FLVCR2: variants seen among roughly 807,000 people sequenced by gnomAD.
FLVCR2 encodes choline/ethanolamine transporter FLVCR2.
FLVCR2 carries 38 observed loss-of-function variants against 48.9 expected under a neutral mutation model. The ratio of observed to expected loss-of-function variants is 0.78; its 90% CI spans 0.60 to 1.02. The LOEUF is 1.02. FLVCR2 is among the 50% of genes least tolerant of loss of function. The pLI is 0.00. For synonymous variants in FLVCR2, 255 were observed against 257.0 expected (o/e 0.99, Z 0.07); for missense variants, 664 against 663.3 (o/e 1.00, Z -0.01).
At chr14:75,643,543 T>A (rs537049084) in intron 9 of FLVCR2, among the ~76,000 whole-genome samples, 1 of 152,352 alleles carries the variant, frequency 6.6e-6, no homozygotes, top group African/African-American at 2.4e-5. Context: ...GTTTGAAGGA[T>A]CTGTGTTGGC....
intron 4 of FLVCR2, among the ~76,000 whole-genome samples, chr14:75,634,173 C>T (rs1051455000): frequency 5.9e-5 from 9 of 152,084 alleles, no homozygotes; most frequent in Non-Finnish European, 1.2e-4. Context: ...TACTGAGTGG[C>T]CTGGAGTCAG....
intron 1 of FLVCR2, among the ~76,000 whole-genome samples, chr14:75,600,992 T>G (rs1473442393): frequency 6.6e-6 from 1 of 152,062 alleles, no homozygotes; most frequent in African/African-American, 2.4e-5. Flanking sequence ...CTAGAGGAAT[T>G]AAAGACACAC....
intron 1 of FLVCR2, among the ~76,000 whole-genome samples, chr14:75,605,248 C>G (rs976706993): frequency 1.3e-5 from 2 of 152,194 alleles, no homozygotes; most frequent in African/African-American, 4.8e-5. Context: ...ACAACCACCA[C>G]CACCATCACC....
intron 1 of FLVCR2, among the ~76,000 whole-genome samples, chr14:75,600,625 C>G (rs1889141391): frequency 6.6e-6 from 1 of 152,026 alleles, no homozygotes. Context: ...CCATAAGACT[C>G]TTAGAAGGAA....
intron 2 of FLVCR2, among the ~76,000 whole-genome samples, chr14:75,624,057 A>G (rs1208436223): frequency 6.6e-6 from 1 of 151,794 alleles, no homozygotes; most frequent in South Asian, 2.1e-4. Context: ...GTCTCAAAAA[A>G]AAAAGAAAAG....
intron 1 of FLVCR2, among the ~76,000 whole-genome samples, chr14:75,585,906 AAG>A (rs1888735363): frequency 6.6e-6 from 1 of 152,148 alleles, no homozygotes; most frequent in African/African-American, 2.4e-5. Context: ...GAGGCTGGAG[AAG>A]AGAGTGAAAA....
intron 5 of FLVCR2, 121 bp downstream of exon 5, chr14:75,635,134 G>A: frequency 1.4e-6 from 1 of 729,286 alleles, no homozygotes; most frequent in Admixed American, 2.0e-5. Context: ...GGTCATTCAA[G>A]TTTGACTTCT....
chr14:75,585,520 A>G (rs1175259974), intron 1 of FLVCR2, among the ~76,000 whole-genome samples: 1 of 152,122 alleles, frequency 6.6e-6, no homozygotes, highest in Non-Finnish European at 1.5e-5. Context: ...ATAGTGAAGG[A>G]GGCAAGTTTA....
chr14:75,634,601 T>C (rs1407451367), intron 4 of FLVCR2, among the ~76,000 whole-genome samples: 1 of 152,208 alleles, frequency 6.6e-6, no homozygotes, highest in Admixed American at 6.5e-5. Flanking sequence ...TAATGACAGA[T>C]AAGATAGAAG....
intron 1 of FLVCR2, among the ~76,000 whole-genome samples, chr14:75,583,480 C>G (rs909824064): frequency 6.6e-6 from 1 of 151,952 alleles, no homozygotes; most frequent in Admixed American, 6.6e-5. Flanking sequence ...GGCTCGTGAT[C>G]GGTTGCCAGG....
At chr14:75,601,561 G>A (rs1402401575) in intron 1 of FLVCR2, among the ~76,000 whole-genome samples, 2 of 152,112 alleles carry the variant, frequency 1.3e-5, no homozygotes, top group African/African-American at 4.8e-5. Flanking sequence ...TGAAGACATT[G>A]GAACTCTTTT....
intron 1 of FLVCR2, among the ~76,000 whole-genome samples, chr14:75,620,663 G>A (rs767072592): frequency 3.3e-5 from 5 of 152,178 alleles, no homozygotes; most frequent in Non-Finnish European, 5.9e-5. Flanking sequence ...AAAATATCTA[G>A]CAGAGTACGT....
chr14:75,639,879 A>G (rs1238663393), intron 6 of FLVCR2, among the ~76,000 whole-genome samples: 3 of 152,218 alleles, frequency 2.0e-5, no homozygotes, highest in Non-Finnish European at 4.4e-5. Context: ...GTAAAGAAAG[A>G]TAATAGTGGC....
chr14:75,640,053 T>A (rs2140053571), intron 6 of FLVCR2, among the ~76,000 whole-genome samples: 1 of 151,446 alleles, frequency 6.6e-6, no homozygotes, highest in African/African-American at 2.4e-5. Context: ...AGGTCAGGAG[T>A]TCAAGACCAG....
intron 1 of FLVCR2, among the ~76,000 whole-genome samples, chr14:75,584,030 G>T (rs1357137911): frequency 1.3e-5 from 2 of 152,192 alleles, no homozygotes; most frequent in East Asian, 3.9e-4. Flanking sequence ...GCCGCGATGT[G>T]AGTCGGACAG....
chr14:75,593,016 T>C (rs1306250391), intron 1 of FLVCR2, among the ~76,000 whole-genome samples: 1 of 152,258 alleles, frequency 6.6e-6, no homozygotes, highest in Non-Finnish European at 1.5e-5. Context: ...TTACTGTCCA[T>C]ATTTCTATCA....
intron 1 of FLVCR2, among the ~76,000 whole-genome samples, chr14:75,585,475 GAGA>G (rs1373373787): frequency 6.6e-5 from 10 of 152,156 alleles, no homozygotes; most frequent in Admixed American, 5.9e-4. Context: ...CAGGCTAAGG[GAGA>G]AGAAGGAGGA....
At chr14:75,598,074 G>A (rs1889070154) in intron 1 of FLVCR2, among the ~76,000 whole-genome samples, 1 of 151,396 alleles carries the variant, frequency 6.6e-6, no homozygotes, top group African/African-American at 2.4e-5. Flanking sequence ...TGAACTCCTG[G>A]CCTCAAGTTA....
chr14:75,606,541 T>C lies in FLVCR2; in HGVS notation c.670-15538T>C, dbSNP rs114898193. ...ACACCTCTCTCCCACCATTCCTGCC[T>C]AGGGTACATAGGGGAAGCCAGCAGC... On this transcript the variant is annotated intron_variant, in intron 1 of 9. Coordinates refer to ENST00000238667, the MANE Select transcript of FLVCR2 (RefSeq NM_017791.3). Among the ~76,000 whole-genome samples, 398 of 152,324 alleles carry C rather than the reference T, an allele frequency of 2.6e-3. 1 individual carries two copies. Among genetic ancestry groups the C allele is most frequent in the African/African-American group, 9.1e-3 (378 of 41,552 alleles).
Sources: gnomAD v4.1 joint callset for allele counts (sites outside exome capture counted in the v4.1 genomes callset) on GRCh38, gnomAD v4.1.1 for gene constraint, MANE v1.5 for transcripts, NCBI Gene and HGNC (gene_info 2026-07-23, HGNC 2026-07-21) for gene names.